The following ZNF23 variants were observed in gnomAD, a reference collection of about 807,000 sequenced individuals.
ZNF23 encodes the protein zinc finger protein 23.
A neutral mutation model predicts 56.2 loss-of-function variants in ZNF23; 48 were observed. The observed-to-expected ratio is 0.85, with a 90% CI of 0.68 to 1.09. The LOEUF is 1.09. Among genes scored for constraint, ZNF23 ranks in the 50% least tolerant of loss-of-function variants. ZNF23 has a pLI of 0.00. For synonymous variants in ZNF23, 266 were observed against 283.3 expected, an observed-to-expected ratio of 0.94 and a Z score of 0.61; for missense variants, 805 against 811.4, an observed-to-expected ratio of 0.99 and a Z score of 0.10.
intron 2 of ZNF23, among the ~76,000 whole-genome samples, chr16:71,455,896 G>A (rs1398843825): frequency 6.6e-6 from 1 of 152,132 alleles, no homozygotes; most frequent in African/African-American, 2.4e-5. Flanking sequence ...TGTGATCCTG[G>A]GCAAGTTACT....
At chr16:71,454,320 C>T (rs1016226739) in intron 2 of ZNF23, 152 bp from the exon 3 acceptor site, 39 of 1,074,194 alleles carry the variant, frequency 3.6e-5, no homozygotes, top group Admixed American at 9.5e-5. Flanking sequence ...AAAAAAATAT[C>T]GAGAAAGTAA....
At chr16:71,458,364 G>A (rs1222485755) in intron 1 of ZNF23, among the ~76,000 whole-genome samples, 1 of 152,192 alleles carries the variant, frequency 6.6e-6, no homozygotes, top group East Asian at 1.9e-4. Context: ...GTACAGAGTT[G>A]CAGAAAATAC....
At position 71,449,298 on chromosome 16, in the gene ZNF23, G is replaced by A; in HGVS notation, c.856C>T (p.Gln286Ter). ...GGCTTCTCCCCACTGTGGATTGTCT[G>A]ATGTGTGATATAATGGGAACTGTAG... is the stretch of plus-strand genomic sequence containing the variant. Reference protein sequence around the residue: ...FSYSSHYITHQTIHSGEKPYQ... With the variant: ...FSYSSHYITH Residue 286 changes from glutamine (Q) to a stop codon, truncating the protein, a stop_gained, in exon 5 of 5, where the codon CAG (glutamine) becomes TAG (stop). Coordinates refer to ENST00000647773, the MANE Select transcript of ZNF23 (RefSeq NM_001381984.1). LOFTEE classifies it high-confidence loss of function. 6.2e-7 allele frequency: 1 copy of A among 1,614,190 alleles called. No individual in the cohort carries two copies. The highest frequency in any genetic ancestry group is 1.1e-5 in the South Asian group (1 of 91,088).
Position 71,449,694 on chromosome 16 carries a change from T to A in ZNF23, c.460A>T (p.Lys154Ter). 6.2e-7 allele frequency: 1 copy of A among 1,613,908 alleles called. No individual in the cohort carries two copies. Among genetic ancestry groups the A allele is most frequent in the Non-Finnish European group, 8.5e-7 (1 of 1,180,026 alleles). The change falls in exon 5 of 5, where the codon AAA becomes TAA. Residue 154 changes from lysine (K) to a stop codon, truncating the protein, a stop_gained. Coordinates refer to ENST00000647773, the MANE Select transcript of ZNF23 (RefSeq NM_001381984.1). LOFTEE classifies it high-confidence loss of function. Reference sequence around the variant, plus strand: ...TCCTCCACGGGGCTTGTCTCATCTTTCACTGTTCCATCAATGGTGTTGCTC... The same window carrying A: ...TCCTCCACGGGGCTTGTCTCATCTTACACTGTTCCATCAATGGTGTTGCTC... ...EKSNTIDGTV[K>*]DETSPVEECF...
Position 71,448,293 on chromosome 16 carries a change from G to C in ZNF23, c.1861C>G (p.His621Asp), listed in dbSNP as rs535550606. The C allele has an allele frequency of 6.2e-7, 1 of 1,614,156 alleles. No homozygotes were observed. The highest frequency in any genetic ancestry group is 1.1e-5 in the South Asian group (1 of 91,082). The change falls in exon 5 of 5, where the codon CAT becomes GAT. Residue 621 changes from histidine (H) to aspartate (D), a missense_variant. Coordinates refer to ENST00000647773, the MANE Select transcript of ZNF23 (RefSeq NM_001381984.1). ...TTCTCCCCAGTGTGGCTTCTCTGAT[G>C]CCGAATTAAATGGGCATTAACATGG... is the stretch of plus-strand genomic sequence containing the variant. Reference protein sequence around the residue: ...AFHVNAHLIRHQRSHTGEKPF... With the variant: ...AFHVNAHLIRDQRSHTGEKPF...
chr16:71,455,921 C>G (rs1461487053), intron 2 of ZNF23, among the ~76,000 whole-genome samples: 1 of 152,144 alleles, frequency 6.6e-6, no homozygotes, highest in African/African-American at 2.4e-5. Context: ...TCCCCTTTTG[C>G]CTTTTCTTTT....
intron 2 of ZNF23, chr16:71,456,049 T>A (rs766938192): frequency 2.2e-6 from 1 of 456,488 alleles, no homozygotes; most frequent in South Asian, 1.5e-5. Flanking sequence ...ATACAACTGG[T>A]GTGACTGTGG....
chr16:71,448,020 T>C lies in ZNF23; in HGVS notation c.*73A>G. 1 of 1,288,086 alleles carries C rather than the reference T, an allele frequency of 7.8e-7. No homozygotes were observed. The highest frequency in any genetic ancestry group is 1.1e-6 in the Non-Finnish European group (1 of 939,492). 79.8% of individuals were successfully genotyped at this position (1,288,086 alleles called of 1,614,324 possible). ...ATATTCATGCCCTCTTGGAGGTTTT[T>C]CAATGGATGAATCTGATGATACTTG... On this transcript the variant is annotated 3_prime_UTR_variant, in exon 5 of 5. Transcript: ENST00000647773.
At position 71,448,625 on chromosome 16, in the gene ZNF23, T is replaced by C. The variant is rs1175056039; in HGVS notation, c.1529A>G (p.Gln510Arg). The C allele has an allele frequency of 5.6e-6, 9 of 1,614,078 alleles. No homozygotes were observed. The Admixed American group carries it at 8.3e-5, about 15-fold the overall frequency. Residue 510 changes from glutamine to arginine, a missense_variant, in exon 5 of 5, where the codon CAG (glutamine) becomes CGG (arginine). Gln to Arg is a conservative substitution (Grantham distance 43). Coordinates refer to ENST00000647773, the MANE Select transcript of ZNF23 (RefSeq NM_001381984.1). The stretch of plus-strand genomic sequence containing the variant: ...AGGTTTCTCCCCAGTGTGAATTCTC[T>C]GATGCCGCATTAGTTTCCCATTAAC... The part of the protein sequence containing the change: ...FSVNGKLMRH[Q>R]RIHTGEKPFE...
intron 2 of ZNF23, 173 bp from the exon 3 acceptor site, chr16:71,454,341 A>G: frequency 1.2e-6 from 1 of 839,206 alleles, no homozygotes; most frequent in Non-Finnish European, 1.7e-6. Flanking sequence ...ACTACAAAGT[A>G]TCCACATTCT....
intron 1 of ZNF23, among the ~76,000 whole-genome samples, chr16:71,460,329 T>A (rs554645920): frequency 4.0e-4 from 59 of 147,988 alleles, no homozygotes; most frequent in African/African-American, 9.8e-4. Context: ...TTTTTTTTTT[T>A]AAATACGATT....
rs1469772715 is a variant in ZNF23 at position 71,449,824 on chromosome 16, T to C, written c.330A>G (p.Ser110=). 6.2e-7 allele frequency: 1 copy of C among 1,613,420 alleles called. No homozygotes were observed. The highest frequency in any genetic ancestry group is 1.6e-4 in the Middle Eastern group (1 of 6,062). The change falls in exon 5 of 5, where the codon TCA becomes TCG. Residue 110 remains serine (S), a synonymous_variant. Coordinates refer to ENST00000647773, the MANE Select transcript of ZNF23 (RefSeq NM_001381984.1). ...GGGAAAAGTCTCTTTGAAGTTCAAA[T>C]GATACATTCTCTTTTCCTTCATACA... ...KEMYEGKENV[S]FELQRDFSQE...
At chr16:71,450,962 T>C in intron 4 of ZNF23, 1 of 180,198 alleles carries the variant, frequency 5.5e-6, no homozygotes, top group Non-Finnish European at 1.2e-5. Flanking sequence ...AAAATGGAAA[T>C]AATTTTGTTT....
At chr16:71,455,353 C>T (rs999922805) in intron 2 of ZNF23, among the ~76,000 whole-genome samples, 6 of 151,878 alleles carry the variant, frequency 4.0e-5, no homozygotes, top group Admixed American at 6.6e-5. Flanking sequence ...TCTCTATGTC[C>T]GAAAGATTTT....
chr16:71,448,397 C>G lies in ZNF23; in HGVS notation c.1757G>C (p.Cys586Ser). 6.2e-7 allele frequency: 1 copy of G among 1,614,142 alleles called. No individual in the cohort carries two copies. The highest frequency in any genetic ancestry group is 1.1e-5 in the South Asian group (1 of 91,086). The change falls in exon 5 of 5, where the codon TGT (cysteine) becomes TCT (serine). Residue 586 changes from cysteine to serine, a missense_variant. Cys to Ser is a moderately radical substitution (Grantham distance 112, BLOSUM62 -1). Coordinates refer to ENST00000647773, the MANE Select transcript of ZNF23 (RefSeq NM_001381984.1). The part of the protein sequence containing the change: ...KCMECEKAFS[C>S]SSNYIVHQRI... ...CTGGTGCACAATATAGTTAGAACTACAGCTGAATGCTTTCTCACATTCCAT... is the reference window on the plus strand; with the variant it reads ...CTGGTGCACAATATAGTTAGAACTAGAGCTGAATGCTTTCTCACATTCCAT...
At chr16:71,452,277 T>C (rs1477192565) in intron 4 of ZNF23, 2 of 151,840 alleles carry the variant, frequency 1.3e-5, no homozygotes, top group South Asian at 2.1e-4. Context: ...TATCGTCTGA[T>C]AGAATGATCA....
chr16:71,448,616 TG>T lies in ZNF23; in HGVS notation c.1537del (p.His513ThrfsTer50). On this transcript the variant is annotated frameshift_variant, in exon 5 of 5. Coordinates refer to ENST00000647773, the MANE Select transcript of ZNF23 (RefSeq NM_001381984.1). LOFTEE classifies it high-confidence loss of function. ...NGKLMRHQRI[H>X]TGEKPFECNE... ...ACATTCAAAAGGTTTCTCCCCAGTG[TG>T]AATTCTCTGATGCCGCATTAGTTTC... is the stretch of plus-strand genomic sequence containing the variant. The T allele has an allele frequency of 6.2e-7, 1 of 1,614,210 alleles. No homozygotes were observed. Among genetic ancestry groups the T allele is most frequent in the Non-Finnish European group, 8.5e-7 (1 of 1,180,032 alleles).
At chr16:71,455,417 C>T (rs759893503) in intron 2 of ZNF23, among the ~76,000 whole-genome samples, 5 of 152,088 alleles carry the variant, frequency 3.3e-5, no homozygotes, top group Non-Finnish European at 5.9e-5. Context: ...AGCGCAGTGG[C>T]ATGACCTCGG....
chr16:71,456,389 T>C (rs1254367744), intron 2 of ZNF23, among the ~76,000 whole-genome samples: 2 of 152,104 alleles, frequency 1.3e-5, no homozygotes, highest in African/African-American at 4.8e-5. Flanking sequence ...ATTCCTCTTC[T>C]CTACATCCCC....
Sources: allele counts gnomAD v4.1 joint callset (sites outside exome capture counted in the v4.1 genomes callset), GRCh38; gene constraint gnomAD v4.1.1; transcripts MANE v1.5; gene names NCBI Gene and HGNC (gene_info 2026-07-23, HGNC 2026-07-21).